The following KDM5A variants were observed in gnomAD, a reference collection of about 807,000 sequenced individuals.
KDM5A encodes the protein lysine demethylase 5A.
Under a neutral mutation model 193.5 loss-of-function variants are expected in KDM5A, and 42 were observed. The ratio of observed to expected loss-of-function variants is 0.22; its 90% CI spans 0.17 to 0.28. The LOEUF (loss-of-function observed/expected upper bound fraction) is 0.28, where lower values mean the gene tolerates loss of function less well. KDM5A is among the 10% of genes least tolerant of loss of function. The pLI is 1.00. For missense variants in KDM5A, 1,692 were observed against 2,055.1 expected, an observed-to-expected ratio of 0.82 and a Z score of 3.42; for synonymous variants, 796 against 718.1, an observed-to-expected ratio of 1.11 and a Z score of -1.73.
At chr12:318,063 G>T in intron 19 of KDM5A, 43 bp downstream of exon 19, 1 of 1,392,686 alleles carries the variant, frequency 7.2e-7, no homozygotes. Context: ...TCTACCTTCT[G>T]ACTTAGTTGT....
intron 17 of KDM5A, 112 bp downstream of exon 17, chr12:322,305 T>A (rs1943727121): frequency 8.8e-6 from 8 of 905,162 alleles, no homozygotes; most frequent in Non-Finnish European, 1.2e-5. Context: ...GCAAGAGACA[T>A]GGCAACAAGA....
chr12:324,482 A>C (rs1402896124), intron 14 of KDM5A, among the ~76,000 whole-genome samples: 1 of 152,206 alleles, frequency 6.6e-6, no homozygotes, highest in Non-Finnish European at 1.5e-5. Flanking sequence ...ATACAAACAT[A>C]TGTAAGGACA....
intron 9 of KDM5A, among the ~76,000 whole-genome samples, 155 bp downstream of exon 9, chr12:352,050 G>C (rs1051343694): frequency 7.0e-6 from 1 of 142,534 alleles, no homozygotes; most frequent in African/African-American, 2.7e-5. Context: ...GTTGCAGTGA[G>C]CCGAGATTGT....
intron 24 of KDM5A, 39 bp from the exon 25 acceptor site, chr12:297,239 C>A: frequency 1.9e-6 from 3 of 1,604,188 alleles, no homozygotes; most frequent in South Asian, 2.2e-5. Context: ...GAATTAGAGT[C>A]ATTTAACTTA....
chr12:362,673 T>C (rs1312511727), intron 5 of KDM5A, among the ~76,000 whole-genome samples: 1 of 152,240 alleles, frequency 6.6e-6, no homozygotes, highest in Non-Finnish European at 1.5e-5. Context: ...CATTTCACAA[T>C]TTATTCTCCA....
At chr12:350,382 G>C (rs1234703472) in intron 10 of KDM5A, among the ~76,000 whole-genome samples, 5 of 147,772 alleles carry the variant, frequency 3.4e-5, no homozygotes, top group African/African-American at 5.1e-5. Context: ...GTTGCGGTGA[G>C]CTAAGCTCGC....
intron 27 of KDM5A, among the ~76,000 whole-genome samples, chr12:289,472 CT>C (rs1565522201): frequency 1.3e-5 from 2 of 151,866 alleles, no homozygotes; most frequent in Non-Finnish European, 2.9e-5. Context: ...TATTGTCTTC[CT>C]TTTTCTAAAA....
rs1330450807 is a variant in KDM5A, at chr12:283,993, T to C, written c.*1463A>G. The C allele has an allele frequency of 4.3e-6, 1 of 233,276 alleles. No individual in the cohort carries two copies. The highest frequency in any genetic ancestry group is 2.2e-5 in the African/African-American group (1 of 45,318). The allele number at this position is 233,276 out of a possible 1,614,324, so 14.5% of individuals were successfully genotyped here. A position where few individuals can be genotyped will look rare whatever the true frequency, so the allele number is the denominator to read the frequency against. On this transcript the variant is annotated 3_prime_UTR_variant, in exon 28 of 28. Coordinates refer to ENST00000399788, the MANE Select transcript of KDM5A (RefSeq NM_001042603.3). ...GCACAGACTAGAGTGAGACCAAGTT[T>C]CCCAACAGACAGGGACAAGTCCCAA...
intron 14 of KDM5A, among the ~76,000 whole-genome samples, chr12:326,933 T>C (rs149228278): frequency 1.3e-5 from 2 of 148,358 alleles, no homozygotes; most frequent in East Asian, 3.9e-4. Context: ...GTGTCACTGG[T>C]GAACTTTGAG....
At chr12:348,954 A>G (rs977193219) in intron 10 of KDM5A, among the ~76,000 whole-genome samples, 12 of 150,938 alleles carry the variant, frequency 8.0e-5, no homozygotes, top group African/African-American at 2.9e-4. Flanking sequence ...CAAACTCGTT[A>G]TAGGGGGAAA....
chr12:286,145 C>T (rs1398894385), intron 27 of KDM5A: 1 of 504,366 alleles, frequency 2.0e-6, no homozygotes, highest in Non-Finnish European at 4.1e-6. Flanking sequence ...AAAGCAGTCA[C>T]ATAGGCCACT....
At chr12:322,817 G>C (rs183457098) in intron 16 of KDM5A, among the ~76,000 whole-genome samples, 31 of 152,256 alleles carry the variant, frequency 2.0e-4, no homozygotes, top group Admixed American at 1.7e-3. Flanking sequence ...TTCAGTGTCA[G>C]TCTTACTGGT....
intron 24 of KDM5A, 185 bp downstream of exon 24, chr12:306,759 AAT>A: frequency 1.6e-6 from 1 of 644,146 alleles, no homozygotes; most frequent in Non-Finnish European, 2.7e-6. Context: ...AAAAAAAAAA[AAT>A]TGTTTCAGCA....
intron 3 of KDM5A, among the ~76,000 whole-genome samples, chr12:374,006 G>C (rs1027408823): frequency 6.6e-5 from 10 of 152,122 alleles, no homozygotes; most frequent in African/African-American, 2.4e-4. Flanking sequence ...CCAACTATGT[G>C]GTCAAATTTT....
intron 14 of KDM5A, 100 bp from the exon 15 acceptor site, chr12:323,881 TA>T: frequency 1.1e-6 from 1 of 905,630 alleles, no homozygotes; most frequent in East Asian, 2.5e-5. Flanking sequence ...ATCTCTGACT[TA>T]AAGGTATAAA....
intron 7 of KDM5A, among the ~76,000 whole-genome samples, chr12:354,550 G>A (rs1167525573): frequency 6.6e-6 from 1 of 152,110 alleles, no homozygotes; most frequent in Non-Finnish European, 1.5e-5. Flanking sequence ...GGCAGATCAC[G>A]AGGTCAGGAG....
chr12:356,333 A>T, intron 6 of KDM5A, 99 bp downstream of exon 6: 1 of 801,498 alleles, frequency 1.2e-6, no homozygotes, highest in Non-Finnish European at 2.1e-6. Context: ...TACAATTCTT[A>T]AGAAATTCCC....
chr12:381,013 C>A (rs1024614883), intron 3 of KDM5A, among the ~76,000 whole-genome samples: 2 of 149,424 alleles, frequency 1.3e-5, no homozygotes, highest in African/African-American at 4.9e-5. Context: ...TTTTTTTAGA[C>A]GGAGTTGTGC....
intron 27 of KDM5A, among the ~76,000 whole-genome samples, chr12:290,154 T>G (rs1346269815): frequency 1.3e-5 from 2 of 152,158 alleles, no homozygotes; most frequent in Non-Finnish European, 2.9e-5. Flanking sequence ...TCTAAAGATG[T>G]GTGCTGTATA....
Sources: allele counts gnomAD v4.1 joint callset (sites outside exome capture counted in the v4.1 genomes callset), GRCh38; gene constraint gnomAD v4.1.1; transcripts MANE v1.5; gene names NCBI Gene and HGNC (gene_info 2026-07-23, HGNC 2026-07-21).